Variants in SHISAL1 observed in about 807,000 individuals in gnomAD.
SHISAL1 encodes the protein shisa like 1, also known as protein shisa-like-1.
In SHISAL1, 9 loss-of-function variants were observed where a neutral mutation model predicts 22.6. That is an observed-to-expected ratio of 0.40 (90% confidence interval 0.24 to 0.70). The LOEUF (loss-of-function observed/expected upper bound fraction) is 0.70. Ranked by LOEUF, SHISAL1 falls within the 30% of genes least tolerant of loss-of-function variation. The pLI, the probability that SHISAL1 is intolerant of heterozygous loss-of-function variation, is 0.39. For synonymous variants in SHISAL1, 119 were observed against 115.4 expected (o/e 1.03, Z -0.20); for missense variants, 246 against 270.6 (o/e 0.91, Z 0.64).
intron 2 of SHISAL1, among the ~76,000 whole-genome samples, chr22:44,297,759 C>T (rs1338997388): frequency 6.6e-6 from 1 of 152,278 alleles, no homozygotes; most frequent in Admixed American, 6.5e-5. Flanking sequence ...CCCGCTCTCT[C>T]AGGCTTAATT....
chr22:44,247,215 A>T lies in SHISAL1; in HGVS notation c.*2470T>A, dbSNP rs1417911356. 6.6e-6 allele frequency: 1 copy of T among 151,910 alleles called. No homozygotes were observed. Among genetic ancestry groups the T allele is most frequent in the Non-Finnish European group, 1.5e-5 (1 of 68,016 alleles). 9.4% of individuals were successfully genotyped at this position (151,910 alleles called of 1,614,324 possible). ...GGACAGCAGGACACGAGGGTTGCAA[A>T]CTCCTTAAATACCCATCTGACTCCT... On this transcript the variant is annotated 3_prime_UTR_variant, in exon 5 of 5. Transcript: ENST00000381176.
intron 1 of SHISAL1, among the ~76,000 whole-genome samples, chr22:44,311,925 A>AT (rs937632711): frequency 2.0e-5 from 3 of 152,126 alleles, no homozygotes; most frequent in Non-Finnish European, 4.4e-5. Flanking sequence ...TCCCAGAGGC[A>AT]TTTTTTTCCC....
intron 4 of SHISAL1, among the ~76,000 whole-genome samples, chr22:44,254,489 T>C (rs1161274085): frequency 6.6e-6 from 1 of 152,170 alleles, no homozygotes; most frequent in Non-Finnish European, 1.5e-5. Flanking sequence ...GCCTCCTGTG[T>C]AGCTAAGACT....
At chr22:44,323,616 TCATCCATCCATG>T in the SHISAL1 span, among the ~76,000 whole-genome samples, 3 of 126,614 alleles carry the variant, frequency 2.4e-5, no homozygotes, top group Non-Finnish European at 5.0e-5. Context: ...ATCCACCCAT[TCATCCATCCATG>T]CATCCATCCA....
At chr22:44,315,980 G>GA (rs1298855397), upstream of SHISAL1, among the ~76,000 whole-genome samples, 1 of 152,130 alleles carries the variant, frequency 6.6e-6, no homozygotes, top group Non-Finnish European at 1.5e-5. Flanking sequence ...AGTGTAAACC[G>GA]CCCATATCGA....
At chr22:44,290,082 GC>G (rs916002240) in intron 3 of SHISAL1, among the ~76,000 whole-genome samples, 1 of 152,240 alleles carries the variant, frequency 6.6e-6, no homozygotes, top group African/African-American at 2.4e-5. Context: ...AGCAGCTGCA[GC>G]CAGTGTGGGG....
chr22:44,308,984 G>A (rs916154925), intron 1 of SHISAL1, among the ~76,000 whole-genome samples: 6 of 152,200 alleles, frequency 3.9e-5, no homozygotes, highest in African/African-American at 4.8e-5. Context: ...GGCTGGTGGC[G>A]GAGCTCAGGA....
chr22:44,318,694 G>A, the SHISAL1 span, among the ~76,000 whole-genome samples: 1 of 152,276 alleles, frequency 6.6e-6, no homozygotes, highest in Non-Finnish European at 1.5e-5. Context: ...TCAGTCACCA[G>A]GGCTGCCTTT....
intron 3 of SHISAL1, among the ~76,000 whole-genome samples, chr22:44,290,169 C>T (rs2055343156): frequency 6.6e-6 from 1 of 152,210 alleles, no homozygotes; most frequent in African/African-American, 2.4e-5. Flanking sequence ...GGCCAGCAGG[C>T]CAGAACGAAA....
At chr22:44,313,977 G>A (rs765749967), upstream of SHISAL1, among the ~76,000 whole-genome samples, 2 of 152,196 alleles carry the variant, frequency 1.3e-5, no homozygotes, top group African/African-American at 2.4e-5. Context: ...AAACCAGGGG[G>A]CTATGGGCGC....
intron 1 of SHISAL1, among the ~76,000 whole-genome samples, chr22:44,301,756 A>AG (rs1226898624): frequency 6.6e-6 from 1 of 152,192 alleles, no homozygotes; most frequent in African/African-American, 2.4e-5. Context: ...ATGCTACAGC[A>AG]GGGGGATCCC....
intron 3 of SHISAL1, among the ~76,000 whole-genome samples, chr22:44,287,275 T>A (rs1000879005): frequency 2.0e-5 from 3 of 152,150 alleles, no homozygotes; most frequent in Non-Finnish European, 4.4e-5. Context: ...TGTAGGAAGA[T>A]GGGGGCTGCT....
Position 44,285,763 on chromosome 22 carries a change from G to A in SHISAL1, c.282-18C>T. 1 of 1,596,152 alleles carries A rather than the reference G, an allele frequency of 6.3e-7. No homozygotes were observed. The highest frequency in any genetic ancestry group is 1.1e-5 in the South Asian group (1 of 89,302). On this transcript the variant is annotated intron_variant, in intron 3 of 4. Transcript: ENST00000381176. The stretch of plus-strand genomic sequence containing the variant: ...TGTAATTGCTGCGAACAAACAGAGA[G>A]GGAGTGAGCAAGCAGAGGGGAGCAG...
intron 3 of SHISAL1, among the ~76,000 whole-genome samples, chr22:44,289,211 G>C (rs1379079751): frequency 1.3e-5 from 2 of 152,242 alleles, no homozygotes; most frequent in Admixed American, 6.5e-5. Context: ...GAGACCCAGA[G>C]AGGCAAAGTC....
Position 44,300,950 on chromosome 22 carries a change from T to C in SHISAL1, c.-5A>G. ...CTGCTGGCCACAACTGGTCATCGTC[T>C]GGCTTGCATTGATCCGTCCAGAGCT... On this transcript the variant is annotated 5_prime_UTR_variant, in exon 2 of 5. Transcript: ENST00000381176. The C allele has an allele frequency of 6.2e-7, 1 of 1,614,046 alleles. No homozygotes were observed. Among genetic ancestry groups the C allele is most frequent in the Non-Finnish European group, 8.5e-7 (1 of 1,179,884 alleles).
chr22:44,299,882 A>T (rs12157862), intron 2 of SHISAL1, among the ~76,000 whole-genome samples: 267 of 152,082 alleles, frequency 1.8e-3, no homozygotes, highest in South Asian at 7.9e-3. Context: ...AGAGACACAG[A>T]AAGACAGAGA....
the SHISAL1 span, among the ~76,000 whole-genome samples, chr22:44,318,076 G>A: frequency 6.6e-6 from 1 of 152,234 alleles, no homozygotes; most frequent in South Asian, 2.1e-4. Context: ...GCTGCCCCCC[G>A]ACCCAGTCCA....
chr22:44,284,889 G>GCCTGCCTGCCTGCCTGCCTGCCTGCCTT (rs1569217634), intron 4 of SHISAL1, among the ~76,000 whole-genome samples: 1 of 75,816 alleles, frequency 1.3e-5, no homozygotes, highest in Non-Finnish European at 2.6e-5. Context: ...CCACCTCTCT[G>GCCTGCCTGCCTGCCTGCCTGCCTGCCTT]CCTTCCTGCC....
intron 4 of SHISAL1, among the ~76,000 whole-genome samples, chr22:44,262,080 C>T (rs1301643267): frequency 1.3e-5 from 2 of 152,264 alleles, no homozygotes; most frequent in Admixed American, 1.3e-4. Context: ...GAAACAAGAG[C>T]AGCAGACCCA....
Sources: gnomAD v4.1 joint callset for allele counts (sites outside exome capture counted in the v4.1 genomes callset) on GRCh38, gnomAD v4.1.1 for gene constraint, MANE v1.5 for transcripts, NCBI Gene and HGNC (gene_info 2026-07-23, HGNC 2026-07-21) for gene names.